The following DDR2 variants were observed in gnomAD, a reference collection of about 807,000 sequenced individuals.
DDR2 encodes the protein discoidin domain receptor tyrosine kinase 2.
Under a neutral mutation model 94.9 loss-of-function variants are expected in DDR2, and 27 were observed. The observed-to-expected ratio is 0.28, with a 90% CI of 0.21 to 0.39. The LOEUF (loss-of-function observed/expected upper bound fraction) is 0.39. Among genes scored for constraint, DDR2 ranks in the 10% least tolerant of loss-of-function variants. DDR2 has a pLI of 1.00. For synonymous variants in DDR2, 382 were observed against 377.2 expected, an observed-to-expected ratio of 1.01 and a Z score of -0.15; for missense variants, 783 against 1,076.0, an observed-to-expected ratio of 0.73 and a Z score of 3.81.
chr1:162,637,199 T>C (rs1264902294), intron 1 of DDR2, among the ~76,000 whole-genome samples: 1 of 152,132 alleles, frequency 6.6e-6, no homozygotes, highest in Non-Finnish European at 1.5e-5. Flanking sequence ...TTGCTTTAGG[T>C]TCTAGGGAGT....
chr1:162,752,463 A>G (rs181488854), intron 3 of DDR2, among the ~76,000 whole-genome samples: 1 of 152,246 alleles, frequency 6.6e-6, no homozygotes, highest in African/African-American at 2.4e-5. Flanking sequence ...ATAATTTTTC[A>G]TATATTTTGT....
At chr1:162,754,575 T>A (rs761224204) in intron 4 of DDR2, 49 bp from the exon 5 acceptor site, 1 of 1,581,420 alleles carries the variant, frequency 6.3e-7, no homozygotes, top group Non-Finnish European at 8.7e-7. Context: ...AGTAAACAGC[T>A]CTGTGGTTTC....
chr1:162,657,838 C>A (rs972314382), intron 2 of DDR2, among the ~76,000 whole-genome samples: 1 of 152,040 alleles, frequency 6.6e-6, no homozygotes, highest in African/African-American at 2.4e-5. Flanking sequence ...CCTTCCCCTC[C>A]CCACTCCCCA....
chr1:162,641,567 C>T (rs1457448474), intron 1 of DDR2, among the ~76,000 whole-genome samples: 1 of 152,210 alleles, frequency 6.6e-6, no homozygotes, highest in African/African-American at 2.4e-5. Context: ...ACTTACTGAA[C>T]TCTCACTGTA....
At chr1:162,737,521 G>T (rs1662369825) in intron 3 of DDR2, among the ~76,000 whole-genome samples, 1 of 134,486 alleles carries the variant, frequency 7.4e-6, no homozygotes, top group African/African-American at 2.8e-5. Context: ...GTATTCCATG[G>T]TGTATATGTG....
intron 3 of DDR2, chr1:162,741,547 A>G (rs1662616250): frequency 1.0e-6 from 1 of 981,116 alleles, no homozygotes; most frequent in Non-Finnish European, 1.2e-6. Context: ...ATGGGACAGC[A>G]CTTTGCAAAC....
intron 2 of DDR2, among the ~76,000 whole-genome samples, chr1:162,705,497 T>A (rs947755449): frequency 1.3e-5 from 2 of 152,178 alleles, no homozygotes; most frequent in Admixed American, 1.3e-4. Context: ...GTGCCTGGGC[T>A]AAAGGGGGAG....
chr1:162,706,339 A>T (rs1013487844), intron 2 of DDR2, among the ~76,000 whole-genome samples: 2 of 152,240 alleles, frequency 1.3e-5, no homozygotes, highest in African/African-American at 4.8e-5. Context: ...GGAGACAGAC[A>T]TGCATAAAGA....
intron 3 of DDR2, among the ~76,000 whole-genome samples, chr1:162,747,307 A>C (rs564597018): frequency 7.9e-5 from 12 of 152,354 alleles, no homozygotes; most frequent in Middle Eastern, 3.4e-3. Flanking sequence ...TAGAATAAAC[A>C]GTGTAGAGAA....
intron 3 of DDR2, among the ~76,000 whole-genome samples, chr1:162,727,720 A>G (rs1661767719): frequency 6.8e-6 from 1 of 147,270 alleles, no homozygotes; most frequent in African/African-American, 2.5e-5. Context: ...CAAAGACCAA[A>G]GTCATAAAAA....
Position 162,766,081 on chromosome 1 carries a change from T to A in DDR2, c.1162+18T>A. 6.2e-7 allele frequency: 1 copy of A among 1,613,116 alleles called. No individual in the cohort carries two copies. Among genetic ancestry groups the A allele is most frequent in the Non-Finnish European group, 8.5e-7 (1 of 1,179,194 alleles). On this transcript the variant is annotated intron_variant, in intron 10 of 17. Coordinates refer to ENST00000367921, the MANE Select transcript of DDR2 (RefSeq NM_006182.4). ...AACCTATGGTATATGTGATTCCTAA[T>A]TACACAAATTAATTTGAAGGGACTT...
chr1:162,742,526 C>T (rs1032699297), intron 3 of DDR2, among the ~76,000 whole-genome samples: 15 of 152,232 alleles, frequency 9.9e-5, no homozygotes, highest in Admixed American at 9.2e-4. Context: ...GAACTTAGAG[C>T]GAGAGCTCAC....
intron 2 of DDR2, among the ~76,000 whole-genome samples, 169 bp from the exon 3 acceptor site, chr1:162,718,868 G>A (rs1426745230): frequency 1.3e-5 from 2 of 152,184 alleles, no homozygotes; most frequent in African/African-American, 4.8e-5. Flanking sequence ...ATTATTGGAT[G>A]TGCCATTCAA....
At chr1:162,773,647 C>T (rs761574240) in intron 14 of DDR2, 51 bp downstream of exon 14, 1 of 1,609,472 alleles carries the variant, frequency 6.2e-7, no homozygotes, top group Non-Finnish European at 8.5e-7. Flanking sequence ...TCTTTAGGAC[C>T]AGGAATACTC....
intron 1 of DDR2, among the ~76,000 whole-genome samples, chr1:162,634,244 A>G (rs772674634): frequency 2.0e-5 from 3 of 152,202 alleles, no homozygotes; most frequent in African/African-American, 7.2e-5. Context: ...TACCTTTGTT[A>G]TGCAAAGAGC....
intron 9 of DDR2, among the ~76,000 whole-genome samples, chr1:162,762,712 A>G (rs1022837635): frequency 3.3e-5 from 5 of 152,202 alleles, no homozygotes; most frequent in African/African-American, 1.2e-4. Context: ...TAATGACTTG[A>G]TACCGTAGCA....
rs116970511 is a variant in DDR2, at chr1:162,690,440, A to T, written c.-27-28597A>T. 5.9e-5 allele frequency among the ~76,000 whole-genome samples: 9 copies of T among 152,204 alleles called. No homozygotes were observed. In the East Asian group the frequency reaches 1.5e-3, roughly 26 times the overall value. ...AAGTCATATCTCCTCTTGGGTTCTC[A>T]TTCATTTATTTACTGATTCATTCAG... On this transcript the variant is annotated intron_variant, in intron 2 of 17. Coordinates refer to ENST00000367921, the MANE Select transcript of DDR2 (RefSeq NM_006182.4).
intron 2 of DDR2, among the ~76,000 whole-genome samples, chr1:162,703,695 C>T (rs952999348): frequency 6.6e-6 from 1 of 152,150 alleles, no homozygotes; most frequent in African/African-American, 2.4e-5. Flanking sequence ...AAGGGCAGGC[C>T]AAGCAGTGTG....
At chr1:162,643,578 T>G (rs2101892470) in intron 1 of DDR2, among the ~76,000 whole-genome samples, 1 of 151,920 alleles carries the variant, frequency 6.6e-6, no homozygotes. Context: ...CCTCCCCGGC[T>G]CAGGTGATTC....
Sources: allele counts gnomAD v4.1 joint callset (sites outside exome capture counted in the v4.1 genomes callset), GRCh38; gene constraint gnomAD v4.1.1; transcripts MANE v1.5; gene names NCBI Gene and HGNC (gene_info 2026-07-23, HGNC 2026-07-21).